Variants in UPP1 observed in about 807,000 individuals in gnomAD.
UPP1 encodes the protein UPase 1.
UPP1 carries 25 observed loss-of-function variants against 29.6 expected under a neutral mutation model. That is an observed-to-expected ratio of 0.85 (90% CI 0.62 to 1.18). The LOEUF (loss-of-function observed/expected upper bound fraction) is 1.18, where lower values mean the gene tolerates loss of function less well. Among genes scored for constraint, UPP1 ranks in the 50% most tolerant of loss-of-function variants. The pLI, the probability that UPP1 is intolerant of heterozygous loss-of-function variation, is 0.00. For missense variants in UPP1, 368 were observed against 410.4 expected, an observed-to-expected ratio of 0.90 and a Z score of 0.89; for synonymous variants, 165 against 159.8, an observed-to-expected ratio of 1.03 and a Z score of -0.25.
At position 48,101,921 on chromosome 7, in the gene UPP1, A is replaced by T; in HGVS notation, c.260A>T (p.Asn87Ile). ...GACTGCCCAGGTAGAGACTATCCCA[A>T]CATCTGTGCGGGAACTGACCGCTAT... ...GLDCPGRDYP[N>I]ICAGTDRYAM... The change falls in exon 5 of 9, where the codon AAC (asparagine) becomes ATC (isoleucine). Residue 87 changes from asparagine (N) to isoleucine (I), a missense_variant. Physicochemically the swap from Asn to Ile is moderately radical, Grantham distance 149 (BLOSUM62 -3). Transcript: ENST00000395564. The T allele has an allele frequency of 6.2e-7, 1 of 1,614,004 alleles. No individual in the cohort carries two copies. The highest frequency in any genetic ancestry group is 8.5e-7 in the Non-Finnish European group (1 of 1,180,010).
rs1162918373 is a variant in UPP1, at chr7:48,107,653, T to TA, written c.793+147dup. The TA allele has an allele frequency of 4.3e-6, 4 of 927,528 alleles. No individual in the cohort carries two copies. In the South Asian group the frequency reaches 5.2e-5, roughly 12 times the overall value. The allele number at this position is 927,528 out of a possible 1,614,324, so 57.5% of individuals were successfully genotyped here. A position where few individuals can be genotyped will look rare whatever the true frequency, so the allele number is the denominator to read the frequency against. ...GCTGCCCCCAAGTCACTTTCTGACA[T>TA]ATGTGTTGTCACCACAATGCTGTTC... On this transcript the variant is annotated intron_variant, in intron 8 of 8. Coordinates refer to ENST00000395564, the MANE Select transcript of UPP1 (RefSeq NM_003364.4).
rs1025697590 is a variant in UPP1, at chr7:48,102,393, G to A, written c.321+411G>A. On this transcript the variant is annotated intron_variant, in intron 5 of 8. Coordinates refer to ENST00000395564, the MANE Select transcript of UPP1 (RefSeq NM_003364.4). The stretch of plus-strand genomic sequence containing the variant: ...AAAACACATTTTGATTTAGCAAGGA[G>A]CATGGTGAACACAGAAATCTCCAGA... 3.3e-5 allele frequency among the ~76,000 whole-genome samples: 5 copies of A among 152,290 alleles called. 1 individual carries two copies. In the South Asian group the frequency reaches 1.0e-3, roughly 32 times the overall value.
intron 6 of UPP1, chr7:48,103,989 G>T: frequency 9.6e-7 from 1 of 1,043,246 alleles, no homozygotes; most frequent in Non-Finnish European, 1.2e-6. Context: ...GGAGGCCGAG[G>T]CGGGCGGATC....
At chr7:48,097,454 G>A (rs1326438805) in intron 3 of UPP1, among the ~76,000 whole-genome samples, 1 of 151,648 alleles carries the variant, frequency 6.6e-6, no homozygotes, top group Non-Finnish European at 1.5e-5. Context: ...GGCTAGTCTC[G>A]AATTCCTGGG....
intron 2 of UPP1, among the ~76,000 whole-genome samples, chr7:48,091,593 AGTCTGACATCTTCAACACCAGG>A (rs1454177369): frequency 5.9e-5 from 9 of 152,254 alleles, no homozygotes; most frequent in African/African-American, 1.9e-4. Flanking sequence ...AAATCAGTGC[AGTCTGACATCTTCAACACCAGG>A]GTCTTTTCCA....
intron 3 of UPP1, among the ~76,000 whole-genome samples, chr7:48,096,548 C>G (rs1243985112): frequency 6.6e-6 from 1 of 151,872 alleles, no homozygotes; most frequent in Non-Finnish European, 1.5e-5. Context: ...TACCTCAGGC[C>G]CCTGTGTCTC....
intron 2 of UPP1, among the ~76,000 whole-genome samples, 154 bp from the exon 3 acceptor site, chr7:48,094,609 C>G (rs1490267231): frequency 6.6e-6 from 1 of 152,218 alleles, no homozygotes; most frequent in Non-Finnish European, 1.5e-5. Context: ...TCTCCTCTCT[C>G]TCTGTTTCTA....
In UPP1 at chr7:48,108,376, G is replaced by T; in HGVS notation, c.*19G>T. On this transcript the variant is annotated 3_prime_UTR_variant, in exon 9 of 9. Transcript: ENST00000395564. ...GGCCTGAGCGCTGCCCTGCACCTCC[G>T]CAGACCTGCTGTGATGACTTGCCAT... 6.2e-7 allele frequency: 1 copy of T among 1,604,162 alleles called. No individual in the cohort carries two copies. The highest frequency in any genetic ancestry group is 8.5e-7 in the Non-Finnish European group (1 of 1,172,288).
At chr7:48,096,610 G>A (rs1277167272) in intron 3 of UPP1, among the ~76,000 whole-genome samples, 1 of 152,072 alleles carries the variant, frequency 6.6e-6, no homozygotes, top group Non-Finnish European at 1.5e-5. Flanking sequence ...AAGCTATTTG[G>A]GCAAGTTTAT....
chr7:48,094,814 G>A lies in UPP1; in HGVS notation c.31G>A (p.Ala11Thr). The A allele has an allele frequency of 4.3e-6, 7 of 1,614,152 alleles. No homozygotes were observed. Among genetic ancestry groups the A allele is most frequent in the Non-Finnish European group, 5.9e-6 (7 of 1,180,030 alleles). Reference protein sequence around the residue: MAATGANAEKAESHNDCPVRL... With the variant: MAATGANAEKTESHNDCPVRL... ...GGCCACGGGAGCCAATGCAGAGAAA[G>A]CTGAAAGTCACAAGTAAGGCTCCAT... is the stretch of plus-strand genomic sequence containing the variant. Residue 11 changes from alanine (A) to threonine (T), a missense_variant, in exon 3 of 9, where the codon GCT becomes ACT. By Grantham distance (58) the Ala-to-Thr change is moderately conservative. Transcript: ENST00000395564.
intron 8 of UPP1, 102 bp from the exon 9 acceptor site, chr7:48,108,116 G>A: frequency 6.6e-7 from 1 of 1,510,406 alleles, no homozygotes; most frequent in Non-Finnish European, 8.9e-7. Context: ...TTCCTGAGGA[G>A]GCAGAGAGGC....
At position 48,099,781 on chromosome 7, in the gene UPP1, T is replaced by C. The variant is rs771225739; in HGVS notation, c.156T>C (p.Asp52=). Residue 52 remains aspartate (D), a synonymous_variant, in exon 4 of 9, where the codon GAT becomes GAC. Transcript: ENST00000395564. The part of the protein sequence containing the change: ...SRHNFPALFG[D]VKFVCVGGSP... ...ACAATTTCCCAGCCTTGTTTGGAGA[T>C]GTGAAGGTAAGAGGCCAGGTGTTGA... The C allele has an allele frequency of 5.6e-6, 9 of 1,608,680 alleles. No homozygotes were observed. The highest frequency in any genetic ancestry group is 1.7e-5 in the Admixed American group (1 of 60,020).
intron 3 of UPP1, 108 bp downstream of exon 3, chr7:48,094,935 G>A (rs1792047082): frequency 1.7e-5 from 22 of 1,316,054 alleles, no homozygotes; most frequent in Non-Finnish European, 2.3e-5. Flanking sequence ...TAACACATTT[G>A]ATGCTTGTGA....
chr7:48,092,427 T>C (rs1388617594), intron 2 of UPP1, among the ~76,000 whole-genome samples: 1 of 152,156 alleles, frequency 6.6e-6, no homozygotes, highest in Non-Finnish European at 1.5e-5. Context: ...TTCTCTCTCC[T>C]CCTTCCACAT....
In UPP1 at chr7:48,094,788, C is replaced by G. The variant is rs114286492; in HGVS notation, c.5C>G (p.Ala2Gly). 15 of 1,613,428 alleles carry G rather than the reference C, an allele frequency of 9.3e-6. No individual in the cohort carries two copies. In the East Asian group the frequency reaches 1.8e-4, roughly 19 times the overall value. The change falls in exon 3 of 9, where the codon GCG becomes GGG. Residue 2 changes from alanine (A) to glycine (G), a missense_variant. By Grantham distance (60) the Ala-to-Gly change is moderately conservative (BLOSUM62 0). Transcript: ENST00000395564. MAATGANAEKAE... is the reference protein window; with the variant it reads MGATGANAEKAE... The stretch of plus-strand genomic sequence containing the variant: ...GGTCCTGCCTCAGTTGGCGGAATGG[C>G]GGCCACGGGAGCCAATGCAGAGAAA...
intron 3 of UPP1, 45 bp from the exon 4 acceptor site, chr7:48,099,625 G>C: frequency 7.4e-7 from 1 of 1,348,580 alleles, no homozygotes; most frequent in Non-Finnish European, 1.1e-6. Flanking sequence ...TCGGCTGTCG[G>C]GCACTGATGT....
chr7:48,094,877 A>T (rs924944764), intron 3 of UPP1, 50 bp downstream of exon 3: 1 of 1,595,724 alleles, frequency 6.3e-7, no homozygotes, highest in Admixed American at 1.7e-5. Flanking sequence ...TGGGTTGTTT[A>T]TAGAGCATAT....
chr7:48,099,774 T>C lies in UPP1; in HGVS notation c.149T>C (p.Phe50Ser), dbSNP rs756238277. 1.2e-6 allele frequency: 2 copies of C among 1,610,958 alleles called. No individual in the cohort carries two copies. Among genetic ancestry groups the C allele is most frequent in the Non-Finnish European group, 8.5e-7 (1 of 1,177,108 alleles). Residue 50 changes from phenylalanine (F) to serine (S), a missense_variant, in exon 4 of 9, where the codon TTT (phenylalanine) becomes TCT (serine). Physicochemically the swap from Phe to Ser is radical, Grantham distance 155 (BLOSUM62 -2). Coordinates refer to ENST00000395564, the MANE Select transcript of UPP1 (RefSeq NM_003364.4). The part of the protein sequence containing the change: ...TTSRHNFPAL[F>S]GDVKFVCVGG... ...AGCAGACACAATTTCCCAGCCTTGT[T>C]TGGAGATGTGAAGGTAAGAGGCCAG... is the stretch of plus-strand genomic sequence containing the variant.
chr7:48,099,775 T>G lies in UPP1; in HGVS notation c.150T>G (p.Phe50Leu), dbSNP rs778178086. ...GCAGACACAATTTCCCAGCCTTGTT[T>G]GGAGATGTGAAGGTAAGAGGCCAGG... ...TTSRHNFPALFGDVKFVCVGG... is the reference protein window; with the variant it reads ...TTSRHNFPALLGDVKFVCVGG... Residue 50 changes from phenylalanine (F) to leucine (L), a missense_variant, in exon 4 of 9, where the codon TTT (phenylalanine) becomes TTG (leucine). Phe to Leu is a conservative substitution (Grantham distance 22). Transcript: ENST00000395564. 3.1e-6 allele frequency: 5 copies of G among 1,610,732 alleles called. No individual in the cohort carries two copies. Among genetic ancestry groups the G allele is most frequent in the Non-Finnish European group, 4.2e-6 (5 of 1,176,982 alleles).
Sources: allele counts gnomAD v4.1 joint callset (sites outside exome capture counted in the v4.1 genomes callset), GRCh38; gene constraint gnomAD v4.1.1; transcripts MANE v1.5; gene names NCBI Gene and HGNC (gene_info 2026-07-23, HGNC 2026-07-21).